The following CCDC47 variants were observed in gnomAD, a reference collection of about 807,000 sequenced individuals.
CCDC47 encodes coiled-coil domain containing 47, also known as PAT complex subunit CCDC47.
In CCDC47, 41 loss-of-function variants were observed where a neutral mutation model predicts 60.5. The ratio of observed to expected loss-of-function variants is 0.68; its 90% confidence interval spans 0.53 to 0.88. The LOEUF is 0.88. Ranked by LOEUF, CCDC47 falls within the 40% of genes least tolerant of loss-of-function variation. CCDC47 has a pLI of 0.00. For synonymous variants in CCDC47, 195 were observed against 190.7 expected, an observed-to-expected ratio of 1.02 and a Z score of -0.18; for missense variants, 513 against 580.9, an observed-to-expected ratio of 0.88 and a Z score of 1.20.
chr17:63,761,464 G>A (rs1047913159), intron 4 of CCDC47, 113 bp from the exon 5 acceptor site: 31 of 1,069,270 alleles, frequency 2.9e-5, no homozygotes, highest in Middle Eastern at 4.5e-4. Flanking sequence ...GGTGGATCAC[G>A]AGGTCAGGAG....
intron 12 of CCDC47, among the ~76,000 whole-genome samples, chr17:63,751,615 C>A (rs776256742): frequency 6.6e-6 from 1 of 151,874 alleles, no homozygotes; most frequent in Non-Finnish European, 1.5e-5. Flanking sequence ...GATAATAGGG[C>A]GCATGTGCTG....
rs2039236351 is a variant in CCDC47 at position 63,759,521 on chromosome 17, ATATATTT to A, written c.735+1386_735+1392del. On this transcript the variant is annotated intron_variant, in intron 6 of 12. Transcript: ENST00000225726. ...AAAAAAAAAAAAAATATATATATAT[ATATATTT>A]ATATATATATATATATATATATATA... Among the ~76,000 whole-genome samples the A allele has an allele frequency of 1.8e-3, 22 of 12,018 alleles. 4 individuals are homozygous for A. Among genetic ancestry groups the A allele is most frequent in the African/African-American group, 3.8e-3 (5 of 1,318 alleles). The allele number at this position is 12,018 out of a possible 152,430, so 7.9% of individuals were successfully genotyped here. A position where few individuals can be genotyped will look rare whatever the true frequency, so the allele number is the denominator to read the frequency against.
intron 4 of CCDC47, chr17:63,761,751 C>T (rs2039263305): frequency 1.1e-6 from 1 of 888,036 alleles, no homozygotes; most frequent in African/African-American, 1.8e-5. Flanking sequence ...ACCCTGACCA[C>T]AAAATGATCA....
Position 63,752,419 on chromosome 17 carries a change from T to A in CCDC47, c.1104A>T (p.Ser368=), listed in dbSNP as rs2039174279. 6.2e-7 allele frequency: 1 copy of A among 1,608,354 alleles called. No individual in the cohort carries two copies. Among genetic ancestry groups the A allele is most frequent in the South Asian group, 1.1e-5 (1 of 90,222 alleles). The change falls in exon 11 of 13, where the codon TCA becomes TCT. Residue 368 remains serine (S), a synonymous_variant. Transcript: ENST00000225726. The part of the protein sequence containing the change: ...TLLFTFNVPG[S]GNTYPKDMEA... ...CCATATCCTTTGGGTAAGTGTTACCTGAGCCAGGCACTGGAAAACAAAGCC... is the reference window on the plus strand; with the variant it reads ...CCATATCCTTTGGGTAAGTGTTACCAGAGCCAGGCACTGGAAAACAAAGCC...
chr17:63,757,036 C>G (rs2039212510), intron 6 of CCDC47, among the ~76,000 whole-genome samples: 1 of 151,732 alleles, frequency 6.6e-6, no homozygotes, highest in Non-Finnish European at 1.5e-5. Flanking sequence ...TGCTTGATGT[C>G]AGGAGTTTGA....
rs763216480 is a variant in CCDC47 at position 63,752,734 on chromosome 17, T to C, written c.1093+7A>G. 9.3e-6 allele frequency: 15 copies of C among 1,610,450 alleles called. No individual in the cohort carries two copies. The highest frequency in any genetic ancestry group is 1.7e-5 in the Admixed American group (1 of 59,322). On this transcript the variant is annotated splice_region_variant and intron_variant, in intron 10 of 12. Coordinates refer to ENST00000225726, the MANE Select transcript of CCDC47 (RefSeq NM_020198.3). The stretch of plus-strand genomic sequence containing the variant: ...CTAAGAACCCAGAAAGGACCCAGAA[T>C]ACTTACCATTAAATGTAAACAACAG...
At chr17:63,747,030 C>T (rs2039125528) in intron 12 of CCDC47, 69 bp from the exon 13 acceptor site, 3 of 1,561,788 alleles carry the variant, frequency 1.9e-6, no homozygotes, top group African/African-American at 2.7e-5. Context: ...AAGCTTGAAA[C>T]ATATGTTAAA....
chr17:63,757,271 C>G (rs1367720269), intron 6 of CCDC47, among the ~76,000 whole-genome samples: 1 of 150,784 alleles, frequency 6.6e-6, no homozygotes, highest in Admixed American at 6.6e-5. Context: ...ACTCAAGAGG[C>G]TGAGGCAGGA....
chr17:63,766,212 C>T lies in CCDC47; in HGVS notation c.-19-18G>A, dbSNP rs751881901. 3 of 1,578,738 alleles carry T rather than the reference C, an allele frequency of 1.9e-6. No homozygotes were observed. The highest frequency in any genetic ancestry group is 1.7e-6 in the Non-Finnish European group (2 of 1,167,938). On this transcript the variant is annotated intron_variant, in intron 1 of 12. Transcript: ENST00000225726. ...AAAAAAAGCTTAAAAAAAAAGAGAACCCCAAAATGGATTGCCATTCTATAC... is the reference window on the plus strand; with the variant it reads ...AAAAAAAGCTTAAAAAAAAAGAGAATCCCAAAATGGATTGCCATTCTATAC...
chr17:63,759,382 G>A (rs1239129001), intron 6 of CCDC47, among the ~76,000 whole-genome samples: 1 of 147,492 alleles, frequency 6.8e-6, no homozygotes. Flanking sequence ...TCAACTGCTT[G>A]GGAGGCTGAG....
chr17:63,761,713 A>T (rs2039262969), intron 4 of CCDC47: 1 of 484,922 alleles, frequency 2.1e-6, no homozygotes, highest in Non-Finnish European at 2.7e-6. Flanking sequence ...AAAAAAAGGA[A>T]ACAAGGCCGA....
chr17:63,760,338 A>G (rs1349638237), intron 6 of CCDC47, among the ~76,000 whole-genome samples: 1 of 152,150 alleles, frequency 6.6e-6, no homozygotes, highest in Non-Finnish European at 1.5e-5. Flanking sequence ...TTTGCCCTCT[A>G]TTGTCAAGGC....
chr17:63,747,229 G>C, intron 12 of CCDC47: 2 of 984,754 alleles, frequency 2.0e-6, no homozygotes, highest in Non-Finnish European at 2.4e-6. Flanking sequence ...TAATTAACCA[G>C]CCTTTGTTAT....
intron 1 of CCDC47, among the ~76,000 whole-genome samples, chr17:63,767,520 C>G (rs1353740101): frequency 6.6e-6 from 1 of 151,956 alleles, no homozygotes; most frequent in African/African-American, 2.4e-5. Flanking sequence ...AAGTATATTT[C>G]AACCATCAAA....
chr17:63,752,177 A>G (rs1354418337), intron 11 of CCDC47, 70 bp from the exon 12 acceptor site: 6 of 1,565,406 alleles, frequency 3.8e-6, no homozygotes, highest in South Asian at 2.3e-5. Flanking sequence ...CCCGTTTAGC[A>G]TTCTTTCATA....
At chr17:63,769,045 C>T (rs2039316697) in intron 1 of CCDC47, among the ~76,000 whole-genome samples, 2 of 150,306 alleles carry the variant, frequency 1.3e-5, no homozygotes, top group South Asian at 4.2e-4. Context: ...GATTGTACCA[C>T]TGCACTCTAG....
chr17:63,750,038 A>G (rs2039151185), intron 12 of CCDC47, among the ~76,000 whole-genome samples: 1 of 152,174 alleles, frequency 6.6e-6, no homozygotes, highest in Admixed American at 6.5e-5. Context: ...GGGTTGTTCT[A>G]TTGAGTTCAC....
chr17:63,770,320 T>A (rs571037372), intron 1 of CCDC47, among the ~76,000 whole-genome samples: 30 of 152,196 alleles, frequency 2.0e-4, no homozygotes, highest in African/African-American at 6.7e-4. Context: ...AGAAGAGGCA[T>A]TGCAGACTGC....
chr17:63,766,526 C>T (rs576777626), intron 1 of CCDC47, among the ~76,000 whole-genome samples: 18 of 152,196 alleles, frequency 1.2e-4, no homozygotes, highest in Non-Finnish European at 2.4e-4. Flanking sequence ...TGGGTTCAAG[C>T]GATTCTCCTG....
Sources: gnomAD v4.1 joint callset for allele counts (sites outside exome capture counted in the v4.1 genomes callset) on GRCh38, gnomAD v4.1.1 for gene constraint, MANE v1.5 for transcripts, NCBI Gene and HGNC (gene_info 2026-07-23, HGNC 2026-07-21) for gene names.